The following SMARCAL1 variants were observed in gnomAD, a reference collection of about 807,000 sequenced individuals.
SMARCAL1 encodes the protein ATP-driven annealing helicase.
A neutral mutation model predicts 94.5 loss-of-function variants in SMARCAL1; 58 were observed. The ratio of observed to expected loss-of-function variants is 0.61; its 90% CI spans 0.50 to 0.76. SMARCAL1 has a LOEUF of 0.76. SMARCAL1 is among the 30% of genes least tolerant of loss of function. SMARCAL1 has a pLI of 0.00. For missense variants in SMARCAL1, 1,051 were observed against 1,177.9 expected (o/e 0.89, Z 1.58); for synonymous variants, 422 against 455.1 (o/e 0.93, Z 0.93).
intron 12 of SMARCAL1, among the ~76,000 whole-genome samples, chr2:216,453,959 A>G (rs953832357): frequency 1.3e-5 from 2 of 152,236 alleles, no homozygotes; most frequent in Non-Finnish European, 2.9e-5. Context: ...GAAATAATGG[A>G]TATCGCTTCA....
chr2:216,476,655 A>C (rs1695087918), intron 15 of SMARCAL1, among the ~76,000 whole-genome samples: 1 of 152,078 alleles, frequency 6.6e-6, no homozygotes, highest in Non-Finnish European at 1.5e-5. Context: ...TTAAACCACC[A>C]CCCTATGCCC....
chr2:216,422,831 T>A (rs116143517), intron 5 of SMARCAL1, among the ~76,000 whole-genome samples: 25 of 152,356 alleles, frequency 1.6e-4, no homozygotes, highest in South Asian at 2.1e-4. Context: ...GAGAAATTCC[T>A]CTATTTAAAG....
intron 8 of SMARCAL1, among the ~76,000 whole-genome samples, chr2:216,435,086 G>A (rs566282854): frequency 9.9e-5 from 15 of 152,036 alleles, no homozygotes; most frequent in Admixed American, 4.6e-4. Flanking sequence ...TCAAACTCCC[G>A]ATCTCAGGTG....
chr2:216,440,793 GC>G (rs1363413446), intron 10 of SMARCAL1, among the ~76,000 whole-genome samples: 1 of 152,056 alleles, frequency 6.6e-6, no homozygotes, highest in African/African-American at 2.4e-5. Context: ...TTGTTGGGGG[GC>G]TGTTGTGTGC....
chr2:216,467,493 G>A (rs972664095), intron 13 of SMARCAL1, among the ~76,000 whole-genome samples: 7 of 138,906 alleles, frequency 5.0e-5, no homozygotes, highest in Non-Finnish European at 7.7e-5. Context: ...AAAAAAAAAA[G>A]GGTGGGAAGC....
chr2:216,414,656 A>G lies in SMARCAL1; in HGVS notation c.-49A>G, dbSNP rs752838883. The G allele has an allele frequency of 3.9e-6, 6 of 1,549,992 alleles. No homozygotes were observed. Among genetic ancestry groups the G allele is most frequent in the African/African-American group, 1.4e-5 (1 of 73,682 alleles). ...TTACTTTCTTCCACAGCTTTTGCCAACTTTCCAATTAAAGGTTGACATTCC... is the reference window on the plus strand; with the variant it reads ...TTACTTTCTTCCACAGCTTTTGCCAGCTTTCCAATTAAAGGTTGACATTCC... On this transcript the variant is annotated 5_prime_UTR_variant, in exon 3 of 18. Coordinates refer to ENST00000357276, the MANE Select transcript of SMARCAL1 (RefSeq NM_014140.4).
At position 216,479,968 on chromosome 2, in the gene SMARCAL1, C is replaced by G. The variant is rs143656266; in HGVS notation, c.2625+1669C>G. 2.8e-4 allele frequency among the ~76,000 whole-genome samples: 42 copies of G among 152,256 alleles called. 1 individual carries two copies. Among genetic ancestry groups the G allele is most frequent in the African/African-American group, 9.9e-4 (41 of 41,568 alleles). ...TCAGGAGACTGAGGCAGGAGGATTC[C>G]CTGAACCTGGGAGGCAGAGGTTGCA... On this transcript the variant is annotated intron_variant, in intron 17 of 17. Coordinates refer to ENST00000357276, the MANE Select transcript of SMARCAL1 (RefSeq NM_014140.4).
At chr2:216,479,912 C>G (rs1695161198) in intron 17 of SMARCAL1, among the ~76,000 whole-genome samples, 1 of 152,122 alleles carries the variant, frequency 6.6e-6, no homozygotes, top group Non-Finnish European at 1.5e-5. Flanking sequence ...ATTAGCCAGG[C>G]ATGATGGCAC....
intron 11 of SMARCAL1, among the ~76,000 whole-genome samples, chr2:216,450,122 T>C (rs754466661): frequency 4.6e-5 from 7 of 152,192 alleles, no homozygotes; most frequent in Non-Finnish European, 8.8e-5. Flanking sequence ...AGTGCTGGGA[T>C]TACAGGCGTG....
At chr2:216,461,076 GTGTGTGTGTGTGTGTA>G (rs1694688172) in intron 12 of SMARCAL1, among the ~76,000 whole-genome samples, 1 of 151,648 alleles carries the variant, frequency 6.6e-6, no homozygotes, top group Non-Finnish European at 1.5e-5. Context: ...GTGTGTGTGT[GTGTGTGTGTGTGTGTA>G]TGTGTGTGTG....
At chr2:216,457,270 G>C (rs780605610) in intron 12 of SMARCAL1, among the ~76,000 whole-genome samples, 42 of 152,138 alleles carry the variant, frequency 2.8e-4, no homozygotes, top group Non-Finnish European at 5.7e-4. Context: ...GTCAACATTA[G>C]ACAGATCAAC....
Position 216,415,259 on chromosome 2 carries a change from C to T in SMARCAL1, c.555C>T (p.Pro185=), listed in dbSNP as rs1336045823. 1 of 1,614,138 alleles carries T rather than the reference C, an allele frequency of 6.2e-7. No individual in the cohort carries two copies. Among genetic ancestry groups the T allele is most frequent in the Non-Finnish European group, 8.5e-7 (1 of 1,180,058 alleles). Residue 185 remains proline, a synonymous_variant, in exon 3 of 18, where the codon CCC becomes CCT. Coordinates refer to ENST00000357276, the MANE Select transcript of SMARCAL1 (RefSeq NM_014140.4). ...ETPAHSSGQP[P]RDAKLEAKTA... The stretch of plus-strand genomic sequence containing the variant: ...CAGCTCATTCCTCTGGACAGCCTCC[C>T]AGGGATGCTAAGTTAGAGGCCAAGA...
Position 216,420,467 on chromosome 2 carries a change from A to G in SMARCAL1, c.1031A>G (p.Glu344Gly), listed in dbSNP as rs745997031. 3.7e-6 allele frequency: 6 copies of G among 1,614,230 alleles called. No individual in the cohort carries two copies. The South Asian group carries it at 6.6e-5, about 18-fold the overall frequency. The change falls in exon 5 of 18, where the codon GAG becomes GGG. Residue 344 changes from glutamate (E) to glycine (G), a missense_variant. Glu to Gly is a moderately conservative substitution (Grantham distance 98). Transcript: ENST00000357276. ...RCMLISRAYFEADISYSQDLI... is the reference protein window; with the variant it reads ...RCMLISRAYFGADISYSQDLI... ...ATGCTCATCTCCAGGGCCTACTTCG[A>G]GGCAGACATCAGTTATTCACAGGAC...
chr2:216,433,931 A>G (rs1694018089), intron 8 of SMARCAL1, among the ~76,000 whole-genome samples: 1 of 151,176 alleles, frequency 6.6e-6, no homozygotes, highest in South Asian at 2.1e-4. Flanking sequence ...GCAAAAAAAA[A>G]AAACACTAAA....
intron 11 of SMARCAL1, among the ~76,000 whole-genome samples, chr2:216,449,980 G>T (rs1694408652): frequency 6.6e-6 from 1 of 152,068 alleles, no homozygotes; most frequent in African/African-American, 2.4e-5. Context: ...TGGGATTACA[G>T]GTGCATGCTA....
At chr2:216,454,262 C>T (rs1403015963) in intron 12 of SMARCAL1, among the ~76,000 whole-genome samples, 2 of 152,290 alleles carry the variant, frequency 1.3e-5, no homozygotes, top group South Asian at 2.1e-4. Flanking sequence ...TAGGTCTGCA[C>T]AGTTTGGGGG....
At chr2:216,478,489 CAT>C (rs1433073848) in intron 17 of SMARCAL1, among the ~76,000 whole-genome samples, 190 bp downstream of exon 17, 49 of 152,292 alleles carry the variant, frequency 3.2e-4, no homozygotes, top group Middle Eastern at 3.4e-3. Flanking sequence ...GAAATGATGG[CAT>C]TAGCTCCTAC....
At chr2:216,481,768 G>A (rs1695207804) in intron 17 of SMARCAL1, among the ~76,000 whole-genome samples, 1 of 152,178 alleles carries the variant, frequency 6.6e-6, no homozygotes, top group Non-Finnish European at 1.5e-5. Context: ...GCCTCCTAAA[G>A]TGCTGGGATT....
intron 14 of SMARCAL1, among the ~76,000 whole-genome samples, chr2:216,470,719 C>T (rs1328673459): frequency 2.0e-5 from 3 of 151,416 alleles, no homozygotes; most frequent in Non-Finnish European, 4.4e-5. Flanking sequence ...GAACTGGGCT[C>T]AAGCAATTCT....
Sources: allele counts gnomAD v4.1 joint callset (sites outside exome capture counted in the v4.1 genomes callset), GRCh38; gene constraint gnomAD v4.1.1; transcripts MANE v1.5; gene names NCBI Gene and HGNC (gene_info 2026-07-23, HGNC 2026-07-21).